Variants in MAX observed in about 807,000 individuals in gnomAD.
The protein encoded by MAX is MYC associated transcriptional regulator X, also known as protein max.
A neutral mutation model predicts 22.3 loss-of-function variants in MAX; 3 were observed. The ratio of observed to expected loss-of-function variants is 0.13; its 90% confidence interval spans 0.06 to 0.35. The LOEUF (loss-of-function observed/expected upper bound fraction) is 0.35. Among genes scored for constraint, MAX ranks in the 10% least tolerant of loss-of-function variants. The probability of loss-of-function intolerance (pLI) is 1.00; values close to 1 mark genes in which losing one functional copy is unlikely to be tolerated. For synonymous variants in MAX, 72 were observed against 77.7 expected (o/e 0.93, Z 0.39); for missense variants, 119 against 209.4 (o/e 0.57, Z 2.66).
At chr14:65,008,420 C>A (rs1394067342) in intron 3 of MAX, among the ~76,000 whole-genome samples, 1 of 152,206 alleles carries the variant, frequency 6.6e-6, no homozygotes. Flanking sequence ...CCAGAGTGAG[C>A]AAGGCTAGCC....
chr14:65,042,811 G>A (rs2062382025), intron 3 of MAX, among the ~76,000 whole-genome samples: 1 of 152,202 alleles, frequency 6.6e-6, no homozygotes, highest in Non-Finnish European at 1.5e-5. Context: ...GACTCCCACT[G>A]CAGCGCCTGC....
At position 65,011,300 on chromosome 14, in the gene MAX, G is replaced by A. The variant is rs770464715; in HGVS notation, c.172-5016C>T. Among the ~76,000 whole-genome samples the A allele has an allele frequency of 6.6e-6, 1 of 152,090 alleles. No individual in the cohort carries two copies. The highest frequency in any genetic ancestry group is 1.5e-5 in the Non-Finnish European group (1 of 68,004). ...AAAAATTAGCTGGGTGTGGTGGCAC[G>A]TGCCTGTAATCCCAGCTACTCAGGT... On this transcript the variant is annotated intron_variant, in intron 3 of 3. Coordinates refer to the MAX transcript ENST00000341653. This position sits in a 1 kb window ranked among gnomAD's most constrained non-coding sequence, Gnocchi z 4.0.
chr14:65,037,103 C>CT (rs542635964), intron 3 of MAX, among the ~76,000 whole-genome samples: 127 of 144,054 alleles, frequency 8.8e-4, no homozygotes, highest in South Asian at 4.6e-3. Context: ...TGTGTTTGCT[C>CT]TTTTTTTTTT....
chr14:65,076,437 GAGAC>G lies in MAX; in HGVS notation c.*35_*38del, dbSNP rs1475405579. Reference sequence around the variant, plus strand: ...GAACTGAAAGGAGGATGAGACGATGGAGACAGACAGTTTTTATTGCTGGCCTGCC... The same window carrying G: ...GAACTGAAAGGAGGATGAGACGATGGAGACAGTTTTTATTGCTGGCCTGCC... On this transcript the variant is annotated 3_prime_UTR_variant, in exon 5 of 5. Coordinates refer to ENST00000358664, the MANE Select transcript of MAX (RefSeq NM_002382.5). This position sits in a 1 kb window ranked among gnomAD's most constrained non-coding sequence, Gnocchi z 6.6. The G allele has an allele frequency of 5.6e-6, 9 of 1,612,244 alleles. No homozygotes were observed. The highest frequency in any genetic ancestry group is 1.1e-5 in the South Asian group (1 of 90,852).
At chr14:65,039,742 T>G (rs2062301616) in intron 3 of MAX, among the ~76,000 whole-genome samples, 1 of 152,252 alleles carries the variant, frequency 6.6e-6, no homozygotes, top group Non-Finnish European at 1.5e-5. Context: ...GGCTCATGGT[T>G]CTGCAGGCTG....
intron 2 of MAX, among the ~76,000 whole-genome samples, chr14:65,100,177 C>A (rs533427131): frequency 2.6e-5 from 4 of 152,102 alleles, no homozygotes; most frequent in African/African-American, 9.7e-5. Flanking sequence ...ATCGGCTGGG[C>A]GTGGTGGCTC....
chr14:65,084,291 G>A lies in MAX; in HGVS notation c.172-6255C>T. The A allele has an allele frequency of 6.5e-7, 1 of 1,537,560 alleles. No individual in the cohort carries two copies. ...CAGGAGTACACAATTTCCAAAAGAG[G>A]AAATAGAGCTAGTAAATAAACATGT... On this transcript the variant is annotated intron_variant, in intron 3 of 4. Coordinates refer to ENST00000358664, the MANE Select transcript of MAX (RefSeq NM_002382.5). This position sits in a 1 kb window ranked among gnomAD's most constrained non-coding sequence, Gnocchi z 4.3.
rs946139298 is a variant in MAX at position 65,084,791 on chromosome 14, T to G, written c.172-6755A>C. On this transcript the variant is annotated intron_variant, in intron 3 of 4. Transcript: ENST00000358664. The surrounding 1 kb of genome is among the most constrained non-coding windows in gnomAD (Gnocchi z 4.3). Reference sequence around the variant, plus strand: ...AATAGTACTTTCCCTGTGGGGAGCATGTAGATGAAGAGACCAGGAAGGAAT... The same window carrying G: ...AATAGTACTTTCCCTGTGGGGAGCAGGTAGATGAAGAGACCAGGAAGGAAT... 3.3e-5 allele frequency among the ~76,000 whole-genome samples: 5 copies of G among 152,146 alleles called. No homozygotes were observed. Among genetic ancestry groups the G allele is most frequent in the Admixed American group, 1.3e-4 (2 of 15,266 alleles).
At chr14:65,037,749 T>TTTATTTATTTATTTA (rs2139610984) in intron 3 of MAX, among the ~76,000 whole-genome samples, 2 of 56,550 alleles carry the variant, frequency 3.5e-5, no homozygotes, top group African/African-American at 1.5e-4. Context: ...TTATTATTTA[T>TTTATTTATTTATTTA]TTATTTATTT....
At chr14:65,006,339 C>T (rs2061589771) in intron 3 of MAX, 4 of 1,602,306 alleles carry the variant, frequency 2.5e-6, no homozygotes, top group Non-Finnish European at 3.4e-6. Flanking sequence ...TTTCCCTTAA[C>T]TGCTAAACCA....
In MAX at chr14:65,027,736, C is replaced by T. The variant is rs370588586; in HGVS notation, c.172-21452G>A. ...CAGTATTTGTACTCCCTGAAGCAACCTGACGGCTCCTTTCTCATGCATGTC... is the reference window on the plus strand; with the variant it reads ...CAGTATTTGTACTCCCTGAAGCAACTTGACGGCTCCTTTCTCATGCATGTC... On this transcript the variant is annotated intron_variant, in intron 3 of 3. Transcript: ENST00000341653. This position sits in a 1 kb window ranked among gnomAD's most constrained non-coding sequence, Gnocchi z 5.7. 3.1e-6 allele frequency: 5 copies of T among 1,614,194 alleles called. No homozygotes were observed. The highest frequency in any genetic ancestry group is 4.2e-6 in the Non-Finnish European group (5 of 1,180,040).
In MAX at chr14:65,012,414, T is replaced by C. The variant is rs1224268737; in HGVS notation, c.172-6130A>G. 22 of 1,613,736 alleles carry C rather than the reference T, an allele frequency of 1.4e-5. No homozygotes were observed. The highest frequency in any genetic ancestry group is 1.9e-5 in the Non-Finnish European group (22 of 1,179,772). On this transcript the variant is annotated intron_variant, in intron 3 of 3. Coordinates refer to the MAX transcript ENST00000341653. This position sits in a 1 kb window ranked among gnomAD's most constrained non-coding sequence, Gnocchi z 5.0. ...GGTAAACACATTACCCAGGAACTCT[T>C]GCTGTCAAATTATCCACCAAATCCT...
At chr14:65,046,467 CA>C (rs1329053504) in intron 3 of MAX, among the ~76,000 whole-genome samples, 2 of 152,188 alleles carry the variant, frequency 1.3e-5, no homozygotes, top group Admixed American at 6.5e-5. Flanking sequence ...CAAAGTCTTC[CA>C]GGGGGGCTGC....
At chr14:65,068,354 G>C (rs2062952365) in intron 3 of MAX, among the ~76,000 whole-genome samples, 1 of 152,190 alleles carries the variant, frequency 6.6e-6, no homozygotes, top group South Asian at 2.1e-4. Context: ...AGAATCGCTT[G>C]AACCTGGGAG....
At chr14:65,017,920 A>G (rs1272105103) in intron 3 of MAX, among the ~76,000 whole-genome samples, 2 of 152,140 alleles carry the variant, frequency 1.3e-5, no homozygotes, top group African/African-American at 4.8e-5. Flanking sequence ...GCGCCTTTGC[A>G]CTCCAGTCCG....
downstream of MAX, among the ~76,000 whole-genome samples, chr14:65,072,451 C>T (rs920535258): frequency 6.6e-6 from 1 of 152,218 alleles, no homozygotes; most frequent in Non-Finnish European, 1.5e-5. Context: ...CCACCTTCAT[C>T]CTGACCTCAG....
At chr14:65,035,124 T>G (rs2062159808) in intron 3 of MAX, among the ~76,000 whole-genome samples, 1 of 152,242 alleles carries the variant, frequency 6.6e-6, no homozygotes, top group South Asian at 2.1e-4. Flanking sequence ...TCGTCCTCAG[T>G]TTCTGGCAGC....
At chr14:65,053,657 G>A (rs957219364) in intron 3 of MAX, among the ~76,000 whole-genome samples, 1 of 137,400 alleles carries the variant, frequency 7.3e-6, no homozygotes, top group Non-Finnish European at 1.5e-5. Flanking sequence ...GATCTAAATA[G>A]AATAGGATAC....
In MAX at chr14:65,054,655, A is replaced by G; in HGVS notation, c.171+39053T>C. 1.9e-6 allele frequency: 3 copies of G among 1,613,378 alleles called. No individual in the cohort carries two copies. The highest frequency in any genetic ancestry group is 2.2e-5 in the South Asian group (2 of 90,818). ...CACTTCGGCAGCGGAGCCATGTTGC[A>G]TGATGTGGTCCTGGGTGTGCCCGAA... is the stretch of plus-strand genomic sequence containing the variant. On this transcript the variant is annotated intron_variant, in intron 3 of 3. Transcript: ENST00000341653. This position sits in a 1 kb window ranked among gnomAD's most constrained non-coding sequence, Gnocchi z 4.4.
Sources: gnomAD v4.1 joint callset for allele counts (sites outside exome capture counted in the v4.1 genomes callset) on GRCh38, gnomAD v4.1.1 for gene constraint, Gnocchi (gnomAD v3.1) non-coding constraint, MANE v1.5 for transcripts, NCBI Gene and HGNC (gene_info 2026-07-23, HGNC 2026-07-21) for gene names.